DNAH10: variants seen among roughly 807,000 people sequenced by gnomAD.
The protein encoded by DNAH10 is dynein axonemal heavy chain 10, also known as axonemal beta dynein heavy chain 10.
DNAH10 carries 348 observed loss-of-function variants against 506.6 expected under a neutral mutation model. The observed-to-expected ratio is 0.69, with a 90% CI of 0.63 to 0.75. The LOEUF is 0.75. Ranked by LOEUF, DNAH10 falls within the 30% of genes least tolerant of loss-of-function variation. The pLI, the probability that DNAH10 is intolerant of heterozygous loss-of-function variation, is 0.00. For synonymous variants in DNAH10, 2,059 were observed against 2,198.6 expected (o/e 0.94, Z 1.78); for missense variants, 5,179 against 5,787.1 (o/e 0.89, Z 3.41).
Position 123,930,584 on chromosome 12 carries a change from T to A in DNAH10, c.12784+11T>A. 1 of 1,606,098 alleles carries A rather than the reference T, an allele frequency of 6.2e-7. No homozygotes were observed. Among genetic ancestry groups the A allele is most frequent in the Admixed American group, 1.8e-5 (1 of 57,094 alleles). ...AGGAGAAATTTGTTGGTGAGATTTC[T>A]CAGACATGAAAAGATGTTTTCAAGG... On this transcript the variant is annotated intron_variant, in intron 73 of 78. Transcript: ENST00000673944.
At chr12:123,897,518 G>T (rs1594317924) in intron 54 of DNAH10, among the ~76,000 whole-genome samples, 1 of 152,160 alleles carries the variant, frequency 6.6e-6, no homozygotes, top group Non-Finnish European at 1.5e-5. Context: ...TAGCTCAGGA[G>T]TTAAGACCAG....
chr12:123,796,665 A>G lies in DNAH10; in HGVS notation c.1996A>G (p.Ile666Val). The change falls in exon 13 of 79, where the codon ATT (isoleucine) becomes GTT (valine). Residue 666 changes from isoleucine to valine, a missense_variant. By Grantham distance (29) the Ile-to-Val change is conservative (BLOSUM62 3). Around this residue, in one of 3 missense-constraint regions of DNAH10, gnomAD observed 4,844 missense variants for 5,430.5 expected, o/e 0.89. Coordinates refer to ENST00000673944, the MANE Select transcript of DNAH10 (RefSeq NM_001372106.1). ...TTTGATTGCTTTTCAGATTGACATCATTAATAAAATCTTTGTCCAGAACCT... is the reference window on the plus strand; with the variant it reads ...TTTGATTGCTTTTCAGATTGACATCGTTAATAAAATCTTTGTCCAGAACCT... ...LAQYCKEIDI[I>V]NKIFVQNLEN... 2 of 1,605,564 alleles carry G rather than the reference A, an allele frequency of 1.2e-6. No homozygotes were observed. Among genetic ancestry groups the G allele is most frequent in the South Asian group, 2.3e-5 (2 of 88,740 alleles).
In DNAH10 at chr12:123,845,977, G is replaced by C; in HGVS notation, c.5637G>C (p.Leu1879=). Residue 1879 remains leucine (L), a synonymous_variant, in exon 32 of 79, where the codon CTG becomes CTC. Coordinates refer to ENST00000673944, the MANE Select transcript of DNAH10 (RefSeq NM_001372106.1). ...IVDSFIRGSI[L]EAREFDWESQ... ...CACCTTTCTTGCCGTCCAGTATCCTGGAGGCCCGAGAGTTTGACTGGGAAA... is the reference window on the plus strand; with the variant it reads ...CACCTTTCTTGCCGTCCAGTATCCTCGAGGCCCGAGAGTTTGACTGGGAAA... The C allele has an allele frequency of 6.2e-7, 1 of 1,613,942 alleles. No individual in the cohort carries two copies. Among genetic ancestry groups the C allele is most frequent in the Admixed American group, 1.7e-5 (1 of 60,020 alleles).
At position 123,762,621 on chromosome 12, in the gene DNAH10, G is replaced by C. The variant is rs967309880; in HGVS notation, c.214+71G>C. 4 of 1,454,238 alleles carry C rather than the reference G, an allele frequency of 2.8e-6. No individual in the cohort carries two copies. The highest frequency in any genetic ancestry group is 2.2e-5 in the Admixed American group (1 of 45,388). 90.1% of individuals were successfully genotyped at this position (1,454,238 alleles called of 1,614,324 possible). Reference sequence around the variant, plus strand: ...CGTCCCGGCCTCTCCGGCGGGCGCCGGGGCTGCTAGAGCCTGCCCATCGTC... The same window carrying C: ...CGTCCCGGCCTCTCCGGCGGGCGCCCGGGCTGCTAGAGCCTGCCCATCGTC... On this transcript the variant is annotated intron_variant, in intron 1 of 78. Coordinates refer to ENST00000673944, the MANE Select transcript of DNAH10 (RefSeq NM_001372106.1). This position sits in a 1 kb window ranked among gnomAD's most constrained non-coding sequence, Gnocchi z 5.0.
At chr12:123,914,601 G>A (rs1163946096) in intron 61 of DNAH10, 51 bp downstream of exon 61, 1 of 1,553,204 alleles carries the variant, frequency 6.4e-7, no homozygotes, top group Non-Finnish European at 8.7e-7. Context: ...TAGCACAGGG[G>A]GTCTACGTGG....
intron 30 of DNAH10, among the ~76,000 whole-genome samples, chr12:123,844,846 C>G (rs1276925669): frequency 6.6e-6 from 1 of 152,042 alleles, no homozygotes; most frequent in African/African-American, 2.4e-5. Flanking sequence ...GCTGTGTTGC[C>G]CAGGCTGGTC....
intron 11 of DNAH10, among the ~76,000 whole-genome samples, chr12:123,792,704 G>A (rs1429120120): frequency 1.3e-5 from 2 of 151,970 alleles, no homozygotes; most frequent in Admixed American, 6.6e-5. Flanking sequence ...CAAGTGATCC[G>A]CCTGCCTCAG....
chr12:123,898,392 T>TCTG (rs1408787398), intron 55 of DNAH10, among the ~76,000 whole-genome samples: 4 of 152,150 alleles, frequency 2.6e-5, no homozygotes, highest in African/African-American at 9.7e-5. Flanking sequence ...GAGACAACTA[T>TCTG]CTGCTGCAGC....
intron 38 of DNAH10, 125 bp downstream of exon 38, chr12:123,859,393 C>G (rs181178883): frequency 1.4e-6 from 1 of 691,254 alleles, no homozygotes; most frequent in African/African-American, 1.9e-5. Context: ...GTAATACACA[C>G]CCCTTTCGAC....
At chr12:123,823,578 AG>A (rs1287589968) in intron 24 of DNAH10, among the ~76,000 whole-genome samples, 1 of 152,258 alleles carries the variant, frequency 6.6e-6, no homozygotes, top group Non-Finnish European at 1.5e-5. Flanking sequence ...ATGAGAACTG[AG>A]AACAACCACA....
At chr12:123,934,595 A>G in intron 77 of DNAH10, 26 bp from the exon 78 acceptor site, 1 of 1,612,046 alleles carries the variant, frequency 6.2e-7, no homozygotes, top group Middle Eastern at 1.7e-4. Flanking sequence ...CTCCAGTTGT[A>G]TCCAGTCTCT....
At chr12:123,832,135 A>G (rs1960623302) in intron 26 of DNAH10, among the ~76,000 whole-genome samples, 1 of 152,150 alleles carries the variant, frequency 6.6e-6, no homozygotes, top group African/African-American at 2.4e-5. Flanking sequence ...CACATAATGT[A>G]TACACACATG....
At chr12:123,857,500 C>T (rs927932183) in intron 37 of DNAH10, among the ~76,000 whole-genome samples, 2 of 152,118 alleles carry the variant, frequency 1.3e-5, no homozygotes, top group Non-Finnish European at 2.9e-5. Flanking sequence ...GAGGCTGAGG[C>T]GGGTGGATCA....
intron 56 of DNAH10, among the ~76,000 whole-genome samples, chr12:123,901,746 T>C (rs1320981723): frequency 6.6e-6 from 1 of 152,156 alleles, no homozygotes; most frequent in Non-Finnish European, 1.5e-5. Context: ...CTGCAACCTC[T>C]GCCTCCTGGG....
At position 123,909,097 on chromosome 12, in the gene DNAH10, G is replaced by A. The variant is rs558407161; in HGVS notation, c.9816-164G>A. ...CGGCCCTGCCCTTAGGGACGCTCCCGCCCAGGAGTGCGGTTTGTGTTGGGA... is the reference window on the plus strand; with the variant it reads ...CGGCCCTGCCCTTAGGGACGCTCCCACCCAGGAGTGCGGTTTGTGTTGGGA... On this transcript the variant is annotated intron_variant, in intron 57 of 78. Transcript: ENST00000673944. This position sits in a 1 kb window ranked among gnomAD's most constrained non-coding sequence, Gnocchi z 5.4. Among the ~76,000 whole-genome samples the A allele has an allele frequency of 2.8e-4, 42 of 152,280 alleles. No homozygotes were observed. Among genetic ancestry groups the A allele is most frequent in the South Asian group, 6.2e-4 (3 of 4,828 alleles).
At chr12:123,767,850 C>T (rs964225337) in intron 2 of DNAH10, among the ~76,000 whole-genome samples, 161 bp downstream of exon 2, 1 of 152,136 alleles carries the variant, frequency 6.6e-6, no homozygotes, top group Non-Finnish European at 1.5e-5. Context: ...AGTAGTTTCC[C>T]ACGGCTGCTG....
At chr12:123,819,465 G>A (rs1959203437) in intron 23 of DNAH10, among the ~76,000 whole-genome samples, 1 of 149,922 alleles carries the variant, frequency 6.7e-6, no homozygotes, top group East Asian at 2.0e-4. Context: ...CCTGCTACCC[G>A]AAGGTGTTGA....
chr12:123,806,901 G>A (rs368770180), intron 18 of DNAH10, among the ~76,000 whole-genome samples: 95 of 151,882 alleles, frequency 6.3e-4, no homozygotes, highest in African/African-American at 2.0e-3. Flanking sequence ...CTGAGTAGCT[G>A]GGACTACAGG....
chr12:123,765,926 C>T (rs76728475), intron 1 of DNAH10, among the ~76,000 whole-genome samples: 22,271 of 150,710 alleles, frequency 0.15, 3,140 homozygotes, highest in African/African-American at 0.37. Context: ...CTATTATCTA[C>T]GTGCCAACTG....
Sources: allele counts gnomAD v4.1 joint callset (sites outside exome capture counted in the v4.1 genomes callset), GRCh38; gene constraint gnomAD v4.1.1; regional missense constraint gnomAD v4.1.1; non-coding constraint Gnocchi (gnomAD v3.1); transcripts MANE v1.5; gene names NCBI Gene and HGNC (gene_info 2026-07-23, HGNC 2026-07-21).